Variants in DIP2C observed in about 807,000 individuals in gnomAD.
DIP2C encodes the protein disco-interacting protein 2 homolog C.
A neutral mutation model predicts 192.4 loss-of-function variants in DIP2C; 33 were observed. The observed-to-expected ratio is 0.17, with a 90% CI of 0.13 to 0.23. DIP2C has a LOEUF of 0.23. Ranked by LOEUF, DIP2C falls within the 10% of genes least tolerant of loss-of-function variation. The pLI, the probability that DIP2C is intolerant of heterozygous loss-of-function variation, is 1.00. For synonymous variants in DIP2C, 979 were observed against 864.1 expected (o/e 1.13, Z -2.33); for missense variants, 1,537 against 2,110.1 (o/e 0.73, Z 5.32).
chr10:386,745 A>G (rs1962964682), intron 14 of DIP2C, among the ~76,000 whole-genome samples: 1 of 152,208 alleles, frequency 6.6e-6, no homozygotes, highest in Non-Finnish European at 1.5e-5. Context: ...CCCATCACTC[A>G]TGTGACAACT....
chr10:535,604 G>A (rs983091680), intron 1 of DIP2C, among the ~76,000 whole-genome samples: 2 of 152,230 alleles, frequency 1.3e-5, no homozygotes, highest in Non-Finnish European at 2.9e-5. Context: ...GAGATTCAGT[G>A]TGATCCCACA....
At chr10:427,189 T>A (rs1353133797) in intron 4 of DIP2C, among the ~76,000 whole-genome samples, 1 of 152,188 alleles carries the variant, frequency 6.6e-6, no homozygotes, top group Non-Finnish European at 1.5e-5. Flanking sequence ...AATCCATTTC[T>A]TGGTCTTTCC....
intron 5 of DIP2C, among the ~76,000 whole-genome samples, chr10:420,950 C>A (rs1966141091): frequency 6.6e-6 from 1 of 152,184 alleles, no homozygotes. Context: ...CACGCAGACG[C>A]ACGATCACAC....
chr10:596,972 G>A (rs188247883), intron 1 of DIP2C, among the ~76,000 whole-genome samples: 14 of 152,356 alleles, frequency 9.2e-5, no homozygotes, highest in African/African-American at 3.4e-4. Flanking sequence ...ACCTGAGTGG[G>A]CCCCGGGGTG....
chr10:623,271 C>T (rs1853984895), intron 1 of DIP2C, among the ~76,000 whole-genome samples: 1 of 149,624 alleles, frequency 6.7e-6, no homozygotes, highest in South Asian at 2.1e-4. Flanking sequence ...GCAGGCATCT[C>T]CCTCCAGCCG....
intron 1 of DIP2C, among the ~76,000 whole-genome samples, chr10:589,024 C>G (rs1356795265): frequency 6.6e-6 from 1 of 152,190 alleles, no homozygotes; most frequent in Non-Finnish European, 1.5e-5. Context: ...CCATCAGCCG[C>G]TCCAGCAGGG....
intron 31 of DIP2C, chr10:311,686 G>A (rs1589447468): frequency 1.1e-5 from 8 of 737,138 alleles, no homozygotes; most frequent in Admixed American, 8.7e-5. Flanking sequence ...TGGAGAAGAG[G>A]GAGGGGTGGG....
intron 1 of DIP2C, among the ~76,000 whole-genome samples, chr10:657,369 GCC>G (rs1195756750): frequency 8.0e-5 from 6 of 74,610 alleles, no homozygotes; most frequent in Non-Finnish European, 1.1e-4. Context: ...CGCTGGACCT[GCC>G]ACTGGACCTG....
chr10:360,353 C>T (rs968153104), intron 22 of DIP2C, among the ~76,000 whole-genome samples: 4 of 152,146 alleles, frequency 2.6e-5, no homozygotes, highest in African/African-American at 7.2e-5. Context: ...ATCACAGCCT[C>T]GCCATTTAAG....
intron 4 of DIP2C, among the ~76,000 whole-genome samples, chr10:429,212 C>A (rs542786504): frequency 8.2e-6 from 1 of 121,796 alleles, no homozygotes; most frequent in East Asian, 2.4e-4. Flanking sequence ...TGCCTCCCCC[C>A]GGACCCTGGC....
At chr10:336,741 G>A (rs947555338) in intron 29 of DIP2C, among the ~76,000 whole-genome samples, 13 of 152,194 alleles carry the variant, frequency 8.5e-5, no homozygotes, top group African/African-American at 2.7e-4. Flanking sequence ...CTCCGTCTGC[G>A]TCCTGTCCCT....
At chr10:593,949 T>C (rs1488865248) in intron 1 of DIP2C, among the ~76,000 whole-genome samples, 1 of 152,014 alleles carries the variant, frequency 6.6e-6, no homozygotes, top group Non-Finnish European at 1.5e-5. Flanking sequence ...TGTGTAGGAG[T>C]CCAGCACACT....
chr10:685,164 ATATATATATATATATATATATACATATAT>A (rs1831282628), intron 1 of DIP2C, among the ~76,000 whole-genome samples: 8 of 19,124 alleles, frequency 4.2e-4, no homozygotes, highest in Non-Finnish European at 4.5e-4. Flanking sequence ...AAAAAAAAAT[ATATATATATATATATATATATACATATAT>A]ATATATATAT....
At chr10:362,923 GAAAAGAT>G (rs1959709497) in intron 21 of DIP2C, among the ~76,000 whole-genome samples, 1 of 152,140 alleles carries the variant, frequency 6.6e-6, no homozygotes, top group Non-Finnish European at 1.5e-5. Flanking sequence ...GAACTTTGGA[GAAAAGAT>G]AACATGTTCT....
chr10:561,547 A>G (rs1849217857), intron 1 of DIP2C, among the ~76,000 whole-genome samples: 2 of 152,168 alleles, frequency 1.3e-5, no homozygotes, highest in African/African-American at 4.8e-5. Flanking sequence ...TTACTCCTCT[A>G]AAACCACAAT....
intron 17 of DIP2C, among the ~76,000 whole-genome samples, chr10:375,979 C>T (rs928765959): frequency 6.6e-6 from 1 of 152,194 alleles, no homozygotes; most frequent in African/African-American, 2.4e-5. Context: ...TCCTCCCCAG[C>T]AATCTTTACA....
At chr10:344,951 C>A (rs1281696456) in intron 27 of DIP2C, 33 bp from the exon 28 acceptor site, 2 of 1,604,428 alleles carry the variant, frequency 1.2e-6, no homozygotes, top group African/African-American at 1.3e-5. Context: ...GCAGATCCAG[C>A]CTGAGCAAGG....
chr10:509,582 G>A (rs1410509671), intron 1 of DIP2C, among the ~76,000 whole-genome samples: 1 of 152,214 alleles, frequency 6.6e-6, no homozygotes, highest in Admixed American at 6.5e-5. Flanking sequence ...TGCGGTAAGG[G>A]CTGCAGGTGT....
intron 1 of DIP2C, among the ~76,000 whole-genome samples, chr10:624,525 G>A (rs534429790): frequency 3.9e-4 from 60 of 152,304 alleles, no homozygotes; most frequent in South Asian, 4.1e-4. Context: ...TAGGGTGTAC[G>A]AACACAAAGT....
Sources: allele counts gnomAD v4.1 joint callset (sites outside exome capture counted in the v4.1 genomes callset), GRCh38; gene constraint gnomAD v4.1.1; transcripts MANE v1.5; gene names NCBI Gene and HGNC (gene_info 2026-07-23, HGNC 2026-07-21).